Variants in AGTPBP1 observed in about 807,000 individuals in gnomAD.
AGTPBP1 encodes ATP/GTP binding carboxypeptidase 1.
AGTPBP1 carries 70 observed loss-of-function variants against 143.9 expected under a neutral mutation model. The observed-to-expected ratio is 0.49, with a 90% confidence interval of 0.40 to 0.59. The LOEUF is 0.59. Ranked by LOEUF, AGTPBP1 falls within the 20% of genes least tolerant of loss-of-function variation. The probability of loss-of-function intolerance (pLI) is 0.00; values close to 1 mark genes in which losing one functional copy is unlikely to be tolerated. For synonymous variants in AGTPBP1, 463 were observed against 500.2 expected (o/e 0.93, Z 0.99); for missense variants, 1,229 against 1,464.5 (o/e 0.84, Z 2.62).
chr9:85,576,276 T>C (rs1327814061), intron 24 of AGTPBP1, among the ~76,000 whole-genome samples: 1 of 152,168 alleles, frequency 6.6e-6, no homozygotes, highest in Non-Finnish European at 1.5e-5. Context: ...ATATAAGTTG[T>C]AGGTGTAGAT....
At chr9:85,760,173 C>T in the AGTPBP1 span, among the ~76,000 whole-genome samples, 4 of 152,236 alleles carry the variant, frequency 2.6e-5, no homozygotes, top group East Asian at 1.9e-4. Flanking sequence ...GATTCACAGC[C>T]GAATTCTACC....
chr9:85,567,174 G>A (rs1227858906), intron 25 of AGTPBP1, among the ~76,000 whole-genome samples: 2 of 152,084 alleles, frequency 1.3e-5, no homozygotes, highest in Non-Finnish European at 2.9e-5. Context: ...GCAAACTATA[G>A]GATCATGAGA....
At chr9:85,680,709 GAAC>G (rs1835115903) in intron 4 of AGTPBP1, among the ~76,000 whole-genome samples, 1 of 152,052 alleles carries the variant, frequency 6.6e-6, no homozygotes, top group Non-Finnish European at 1.5e-5. Flanking sequence ...TCCTATTGAA[GAAC>G]ATGAATTCAT....
At chr9:85,803,442 A>T in the AGTPBP1 span, among the ~76,000 whole-genome samples, 1 of 152,042 alleles carries the variant, frequency 6.6e-6, no homozygotes, top group Non-Finnish European at 1.5e-5. Context: ...GCTCACCTAG[A>T]TCAGAGCTTC....
intron 14 of AGTPBP1, among the ~76,000 whole-genome samples, chr9:85,630,391 C>CTTATTTAT (rs201466007): frequency 3.2e-4 from 49 of 151,486 alleles, no homozygotes; most frequent in African/African-American, 1.0e-3. Flanking sequence ...TACTTACTTA[C>CTTATTTAT]TTATTTATTT....
the AGTPBP1 span, chr9:85,792,081 T>C: frequency 4.4e-5 from 6 of 137,172 alleles, no homozygotes; most frequent in African/African-American, 2.2e-4. Context: ...ACTATTTTGC[T>C]TATTTTTTTC....
In AGTPBP1 at chr9:85,660,920, G is replaced by A. The variant is rs1175721877; in HGVS notation, c.700+16C>T. ...AGAAAAATAGTATCTAGTATTTCTA[G>A]TATTTAAAAACTTACTTGATTTTAG... On this transcript the variant is annotated intron_variant, in intron 9 of 25. Coordinates refer to ENST00000357081, the MANE Select transcript of AGTPBP1 (RefSeq NM_001330701.2). 2 of 1,549,750 alleles carry A rather than the reference G, an allele frequency of 1.3e-6. No homozygotes were observed. The highest frequency in any genetic ancestry group is 1.7e-6 in the Non-Finnish European group (2 of 1,144,000).
rs187445374 is a variant in AGTPBP1 at position 85,731,441 on chromosome 9, T to G, written c.-34+10334A>C. Among the ~76,000 whole-genome samples the G allele has an allele frequency of 7.5e-4, 113 of 151,570 alleles. 2 individuals are homozygous for G. In the East Asian group the frequency reaches 0.021, roughly 28 times the overall value. On this transcript the variant is annotated intron_variant, in intron 1 of 25. Transcript: ENST00000357081. ...GTTTTTTTTTTCGGGGAGGGAAGTG[T>G]TTTGGTTTTTTTGTGTGTGTTTGTT...
In AGTPBP1 at chr9:85,689,414, C is replaced by A. The variant is rs557737448; in HGVS notation, c.157+3275G>T. On this transcript the variant is annotated intron_variant, in intron 3 of 25. Coordinates refer to ENST00000357081, the MANE Select transcript of AGTPBP1 (RefSeq NM_001330701.2). ...GTGTAGGGGTTACAAGAGTCCCCAT[C>A]ATAAATAATGTATTATTCATAATAG... Among the ~76,000 whole-genome samples the A allele has an allele frequency of 6.8e-4, 104 of 152,194 alleles. 3 individuals are homozygous for A. Among genetic ancestry groups the A allele is most frequent in the Non-Finnish European group, 3.5e-4 (24 of 68,002 alleles).
chr9:85,763,303 A>G, the AGTPBP1 span, among the ~76,000 whole-genome samples: 109 of 152,260 alleles, frequency 7.2e-4, 1 homozygote, highest in African/African-American at 2.5e-3. Flanking sequence ...GTGCTCCAAC[A>G]TGGAAATTCT....
At chr9:85,616,899 C>T in intron 17 of AGTPBP1, among the ~76,000 whole-genome samples, 1 of 151,932 alleles carries the variant, frequency 6.6e-6, no homozygotes, top group East Asian at 1.9e-4. Flanking sequence ...AATCAATATA[C>T]TTGCTGAACT....
chr9:85,709,942 T>C (rs1316264751), intron 2 of AGTPBP1, among the ~76,000 whole-genome samples: 1 of 152,160 alleles, frequency 6.6e-6, no homozygotes, highest in South Asian at 2.1e-4. Flanking sequence ...CTAATTAGAA[T>C]CTTTGTTTAA....
Position 85,681,304 on chromosome 9 carries a change from A to G in AGTPBP1, c.189T>C (p.Gly63=). The G allele has an allele frequency of 1.2e-6, 2 of 1,612,380 alleles. No homozygotes were observed. Among genetic ancestry groups the G allele is most frequent in the Admixed American group, 3.4e-5 (2 of 59,660 alleles). Residue 63 remains glycine, a synonymous_variant, in exon 4 of 26, where the codon GGT becomes GGC. Coordinates refer to ENST00000357081, the MANE Select transcript of AGTPBP1 (RefSeq NM_001330701.2). ...ACAGCAGAATTTCCATTCCTGTAGA[A>G]CCTTTGGCTGTCATTTCTCTCCTTG... ...EKTRREMTAK[G]STGMEILLST...
At chr9:85,633,887 GAA>G (rs755544610) in intron 13 of AGTPBP1, among the ~76,000 whole-genome samples, 4 of 135,862 alleles carry the variant, frequency 2.9e-5, no homozygotes, top group Admixed American at 7.4e-5. Flanking sequence ...AAGCTCTACA[GAA>G]AAAAAAAAAA....
At chr9:85,786,402 T>C in the AGTPBP1 span, 5 of 1,613,854 alleles carry the variant, frequency 3.1e-6, no homozygotes, top group Non-Finnish European at 4.2e-6. Flanking sequence ...CAAATTCAGG[T>C]TGTGGGAAAT....
chr9:85,748,643 G>A, the AGTPBP1 span, among the ~76,000 whole-genome samples: 1 of 152,166 alleles, frequency 6.6e-6, no homozygotes, highest in Non-Finnish European at 1.5e-5. Context: ...AGAAGTTTGG[G>A]CATCATCATT....
At chr9:85,635,039 C>T (rs1053472655) in intron 13 of AGTPBP1, among the ~76,000 whole-genome samples, 2 of 152,130 alleles carry the variant, frequency 1.3e-5, no homozygotes, top group East Asian at 1.9e-4. Flanking sequence ...GGGAAGCAAA[C>T]ACTTTTCTAT....
Position 85,575,404 on chromosome 9 carries a change from T to C in AGTPBP1, c.3414A>G (p.Lys1138=). ...AKFCVGLLRL[K]RLTSPLEYNL... The stretch of plus-strand genomic sequence containing the variant: ...TATACTCCAATGGAGAGGTCAGTCT[T>C]TTCAAACGTAAAAGACCAACACAAA... Residue 1138 remains lysine, a synonymous_variant, in exon 25 of 26, where the codon AAA becomes AAG. Transcript: ENST00000357081. 1 of 1,611,282 alleles carries C rather than the reference T, an allele frequency of 6.2e-7. No individual in the cohort carries two copies. The highest frequency in any genetic ancestry group is 1.1e-5 in the South Asian group (1 of 90,236).
intron 25 of AGTPBP1, among the ~76,000 whole-genome samples, chr9:85,572,007 T>G (rs1320774852): frequency 0.039 from 590 of 14,994 alleles, 5 homozygotes; most frequent in South Asian, 0.1. Context: ...TGTGTGTGTT[T>G]TTTTTTTTTT....
Sources: allele counts gnomAD v4.1 joint callset (sites outside exome capture counted in the v4.1 genomes callset), GRCh38; gene constraint gnomAD v4.1.1; transcripts MANE v1.5; gene names NCBI Gene and HGNC (gene_info 2026-07-23, HGNC 2026-07-21).